The following CRK variants were observed in gnomAD, a reference collection of about 807,000 sequenced individuals.
The protein encoded by CRK is adapter molecule crk.
A neutral mutation model predicts 29.8 loss-of-function variants in CRK; 4 were observed. The observed-to-expected ratio is 0.13, with a 90% CI of 0.07 to 0.31. CRK has a LOEUF of 0.31. Among genes scored for constraint, CRK ranks in the 10% least tolerant of loss-of-function variants. CRK has a pLI of 1.00. For synonymous variants in CRK, 153 were observed against 164.9 expected (o/e 0.93, Z 0.55); for missense variants, 274 against 396.5 (o/e 0.69, Z 2.62).
intron 1 of CRK, among the ~76,000 whole-genome samples, chr17:1,446,988 T>C (rs2073980515): frequency 6.6e-6 from 1 of 152,184 alleles, no homozygotes; most frequent in African/African-American, 2.4e-5. Flanking sequence ...AAATTATTTT[T>C]CTATTCTGAC....
intron 1 of CRK, among the ~76,000 whole-genome samples, chr17:1,446,413 T>C (rs1247679476): frequency 2.0e-5 from 3 of 152,118 alleles, no homozygotes; most frequent in East Asian, 1.9e-4. Flanking sequence ...ACTGTTACCA[T>C]AGCAGGCCGA....
intron 2 of CRK, among the ~76,000 whole-genome samples, chr17:1,431,454 G>C (rs1318672275): frequency 1.3e-5 from 2 of 152,114 alleles, no homozygotes; most frequent in African/African-American, 2.4e-5. Context: ...CGGGGCGGTG[G>C]CTCACGCCTG....
At chr17:1,446,922 T>C (rs971034985) in intron 1 of CRK, among the ~76,000 whole-genome samples, 2 of 152,164 alleles carry the variant, frequency 1.3e-5, no homozygotes, top group African/African-American at 4.8e-5. Context: ...GCAATCCCAA[T>C]AGACACAGAA....
intron 2 of CRK, among the ~76,000 whole-genome samples, chr17:1,435,774 T>C (rs1392916573): frequency 2.0e-5 from 3 of 152,116 alleles, no homozygotes; most frequent in African/African-American, 7.2e-5. Flanking sequence ...CTTCCTGCCT[T>C]AGCCTCCCAG....
At chr17:1,452,446 T>C (rs559917391) in intron 1 of CRK, among the ~76,000 whole-genome samples, 3 of 152,288 alleles carry the variant, frequency 2.0e-5, no homozygotes, top group African/African-American at 7.2e-5. Context: ...AGAACAAAGA[T>C]TCAGTACTTA....
chr17:1,455,555 G>A (rs2074049573), intron 1 of CRK, among the ~76,000 whole-genome samples: 1 of 152,166 alleles, frequency 6.6e-6, no homozygotes, highest in South Asian at 2.1e-4. Flanking sequence ...ATCTCCCTCA[G>A]CTCTTTGTCC....
At chr17:1,433,777 C>T (rs1054717194) in intron 2 of CRK, among the ~76,000 whole-genome samples, 1 of 151,098 alleles carries the variant, frequency 6.6e-6, no homozygotes, top group African/African-American at 2.4e-5. Flanking sequence ...CCTCAGCCTT[C>T]CAAAGTGCTG....
chr17:1,444,423 G>A (rs538779700), intron 1 of CRK, among the ~76,000 whole-genome samples: 133 of 152,144 alleles, frequency 8.7e-4, no homozygotes, highest in Non-Finnish European at 1.6e-3. Flanking sequence ...CAGCTACTTC[G>A]GAGGCTGAGG....
intron 2 of CRK, 104 bp downstream of exon 2, chr17:1,436,516 T>C: frequency 7.7e-7 from 1 of 1,291,622 alleles, no homozygotes; most frequent in Non-Finnish European, 1.0e-6. Flanking sequence ...GCTTGCCATC[T>C]ACAACATCCC....
intron 1 of CRK, among the ~76,000 whole-genome samples, chr17:1,437,625 C>T (rs1358099074): frequency 6.6e-6 from 1 of 151,792 alleles, no homozygotes; most frequent in African/African-American, 2.4e-5. Flanking sequence ...ACCCCATTTA[C>T]AGAGCAGTGT....
intron 2 of CRK, among the ~76,000 whole-genome samples, chr17:1,428,033 C>G (rs1047616853): frequency 6.6e-6 from 1 of 151,958 alleles, no homozygotes; most frequent in African/African-American, 2.4e-5. Flanking sequence ...CCAGCCCCAC[C>G]CCTTGCTGTT....
At chr17:1,434,361 T>TTA (rs1168936931) in intron 2 of CRK, among the ~76,000 whole-genome samples, 2 of 152,160 alleles carry the variant, frequency 1.3e-5, no homozygotes, top group Non-Finnish European at 2.9e-5. Flanking sequence ...GAGATAGGCC[T>TTA]TACCCTGGTT....
At chr17:1,453,857 G>C (rs1390560042) in intron 1 of CRK, among the ~76,000 whole-genome samples, 1 of 151,782 alleles carries the variant, frequency 6.6e-6, no homozygotes. Flanking sequence ...GCAGTGAGCT[G>C]AGATTGCACC....
chr17:1,428,519 A>ATTTTTT (rs1441090607), intron 2 of CRK, among the ~76,000 whole-genome samples: 3 of 99,952 alleles, frequency 3.0e-5, no homozygotes, highest in Non-Finnish European at 5.7e-5. Flanking sequence ...ACCATATCAG[A>ATTTTTT]TCTTTTTTTT....
Position 1,436,668 on chromosome 17 carries a change from G to C in CRK, c.729C>G (p.Ile243Met). The change falls in exon 2 of 3, where the codon ATC becomes ATG. Residue 243 changes from isoleucine (I) to methionine (M), a missense_variant. Transcript: ENST00000300574. Reference sequence around the variant, plus strand: ...CGTAGGCATTGGGGACTCGCTTCTGGATAACCCTGGCATATATGGGCCCAT... The same window carrying C: ...CGTAGGCATTGGGGACTCGCTTCTGCATAACCCTGGCATATATGGGCCCAT... ...LQNGPIYARV[I>M]QKRVPNAYDK... The C allele has an allele frequency of 6.2e-7, 1 of 1,612,584 alleles. No individual in the cohort carries two copies. Among genetic ancestry groups the C allele is most frequent in the Non-Finnish European group, 8.5e-7 (1 of 1,179,478 alleles).
At chr17:1,429,680 C>T (rs931191725) in intron 2 of CRK, among the ~76,000 whole-genome samples, 5 of 151,386 alleles carry the variant, frequency 3.3e-5, no homozygotes, top group Admixed American at 6.6e-5. Flanking sequence ...AATCCCAGTG[C>T]TTTGTGAGGC....
intron 2 of CRK, 131 bp from the exon 3 acceptor site, chr17:1,423,781 C>G: frequency 9.2e-7 from 1 of 1,087,600 alleles, no homozygotes; most frequent in South Asian, 1.7e-5. Flanking sequence ...CCATTTGCTG[C>G]CTCCCCAGCC....
intron 1 of CRK, among the ~76,000 whole-genome samples, chr17:1,444,677 A>G (rs536444701): frequency 2.6e-5 from 4 of 151,734 alleles, no homozygotes; most frequent in Non-Finnish European, 5.9e-5. Context: ...AAAAAAAAAA[A>G]TACAAAATTA....
chr17:1,450,613 T>C (rs2074010088), intron 1 of CRK, among the ~76,000 whole-genome samples: 2 of 152,214 alleles, frequency 1.3e-5, no homozygotes, highest in South Asian at 4.1e-4. Flanking sequence ...CTAGATGCGA[T>C]GGCTCACACC....
Sources: gnomAD v4.1 joint callset for allele counts (sites outside exome capture counted in the v4.1 genomes callset) on GRCh38, gnomAD v4.1.1 for gene constraint, MANE v1.5 for transcripts, NCBI Gene and HGNC (gene_info 2026-07-23, HGNC 2026-07-21) for gene names.